PDZRN3: variants seen among roughly 807,000 people sequenced by gnomAD.
PDZRN3 encodes the protein PDZ domain containing ring finger 3.
In PDZRN3, 38 loss-of-function variants were observed where a neutral mutation model predicts 85.7. The ratio of observed to expected loss-of-function variants is 0.44; its 90% CI spans 0.34 to 0.58. The LOEUF (loss-of-function observed/expected upper bound fraction) is 0.58, where lower values mean the gene tolerates loss of function less well. Among genes scored for constraint, PDZRN3 ranks in the 20% least tolerant of loss-of-function variants. PDZRN3 has a pLI of 0.01. For synonymous variants in PDZRN3, 759 were observed against 638.0 expected (o/e 1.19, Z -2.86); for missense variants, 1,629 against 1,506.4 (o/e 1.08, Z -1.35).
At chr3:73,526,226 G>A (rs183922586) in intron 3 of PDZRN3, among the ~76,000 whole-genome samples, 1 of 152,296 alleles carries the variant, frequency 6.6e-6, no homozygotes, top group Non-Finnish European at 1.5e-5. Context: ...TTTGTAAAAT[G>A]AGCACTATTA....
chr3:73,533,912 C>A (rs1164035647), intron 3 of PDZRN3, among the ~76,000 whole-genome samples: 1 of 152,076 alleles, frequency 6.6e-6, no homozygotes, highest in Non-Finnish European at 1.5e-5. Flanking sequence ...ACTCTGTAGT[C>A]CCTACCCCCA....
At chr3:73,528,439 G>A (rs1704575268) in intron 3 of PDZRN3, among the ~76,000 whole-genome samples, 1 of 152,130 alleles carries the variant, frequency 6.6e-6, no homozygotes, top group Non-Finnish European at 1.5e-5. Flanking sequence ...TAAAGTTAGA[G>A]TAATGTTACC....
chr3:73,557,264 C>T (rs1411567128), intron 3 of PDZRN3, among the ~76,000 whole-genome samples: 1 of 152,160 alleles, frequency 6.6e-6, no homozygotes, highest in African/African-American at 2.4e-5. Flanking sequence ...GGGAAGCCAG[C>T]TGCTTTAAAA....
At chr3:73,532,465 C>T (rs1348708179) in intron 3 of PDZRN3, among the ~76,000 whole-genome samples, 1 of 152,216 alleles carries the variant, frequency 6.6e-6, no homozygotes, top group Non-Finnish European at 1.5e-5. Flanking sequence ...AAATAATGGG[C>T]ACCTATCGTG....
chr3:73,616,601 C>A (rs185658874), intron 1 of PDZRN3, among the ~76,000 whole-genome samples: 1 of 152,306 alleles, frequency 6.6e-6, no homozygotes, highest in African/African-American at 2.4e-5. Flanking sequence ...AGGAGGCTTA[C>A]AATGAAACCA....
chr3:73,521,872 A>C (rs1314246616), intron 3 of PDZRN3, among the ~76,000 whole-genome samples: 1 of 152,124 alleles, frequency 6.6e-6, no homozygotes, highest in Non-Finnish European at 1.5e-5. Context: ...TTGTAGAAGC[A>C]GTGGTTGCAT....
chr3:73,442,785 G>A (rs1230068491), intron 3 of PDZRN3, among the ~76,000 whole-genome samples: 1 of 151,888 alleles, frequency 6.6e-6, no homozygotes. Flanking sequence ...AGCAGAAGCA[G>A]GGTAAAGCTG....
intron 3 of PDZRN3, among the ~76,000 whole-genome samples, chr3:73,490,163 C>G (rs1249918953): frequency 2.6e-5 from 4 of 152,206 alleles, no homozygotes; most frequent in African/African-American, 9.6e-5. Context: ...ACCTGCACCC[C>G]TGGTGGGGCA....
intron 3 of PDZRN3, among the ~76,000 whole-genome samples, chr3:73,568,641 C>A (rs1262501291): frequency 1.3e-5 from 2 of 152,208 alleles, no homozygotes; most frequent in African/African-American, 4.8e-5. Context: ...CCGGGCAACT[C>A]GCTTGATATG....
At chr3:73,501,872 C>T (rs576105206) in intron 3 of PDZRN3, among the ~76,000 whole-genome samples, 53 of 152,170 alleles carry the variant, frequency 3.5e-4, no homozygotes, top group African/African-American at 1.3e-3. Flanking sequence ...AAAAATTAGC[C>T]GGGTATGTTG....
At chr3:73,593,871 G>A (rs964254716) in intron 3 of PDZRN3, 3 of 151,904 alleles carry the variant, frequency 2.0e-5, no homozygotes, top group Non-Finnish European at 4.4e-5. Flanking sequence ...TTTTTCCCCT[G>A]CAAAGACTAA....
At chr3:73,541,776 G>C (rs1458685375) in intron 3 of PDZRN3, among the ~76,000 whole-genome samples, 2 of 152,168 alleles carry the variant, frequency 1.3e-5, no homozygotes, top group Non-Finnish European at 2.9e-5. Context: ...CAAGCATCTA[G>C]TATTTTACAC....
At chr3:73,401,214 G>T in intron 4 of PDZRN3, 1 of 511,122 alleles carries the variant, frequency 2.0e-6, no homozygotes, top group Admixed American at 3.2e-5. Flanking sequence ...ATTTCCTCCT[G>T]AAGGACTTAA....
At position 73,390,366 on chromosome 3, in the gene PDZRN3, G is replaced by A. The variant is rs116761985; in HGVS notation, c.1354-488C>T. ...ATGCAGAAAGGATGGGTTAACTTAA[G>A]CTTGGTGAATGACATACAACCAAAG... On this transcript the variant is annotated intron_variant, in intron 6 of 9. Coordinates refer to ENST00000263666, the MANE Select transcript of PDZRN3 (RefSeq NM_015009.3). 7.9e-3 allele frequency among the ~76,000 whole-genome samples: 1,199 copies of A among 152,304 alleles called. 19 individuals are homozygous for A. The highest frequency in any genetic ancestry group is 0.028 in the African/African-American group (1,160 of 41,564).
At chr3:73,455,123 C>A (rs1702952868) in intron 3 of PDZRN3, among the ~76,000 whole-genome samples, 2 of 152,146 alleles carry the variant, frequency 1.3e-5, no homozygotes, top group African/African-American at 2.4e-5. Flanking sequence ...GGAAAAGAAG[C>A]TGCTTTCATG....
chr3:73,531,718 A>G (rs1211340386), intron 3 of PDZRN3, among the ~76,000 whole-genome samples: 1 of 152,142 alleles, frequency 6.6e-6, no homozygotes, highest in East Asian at 1.9e-4. Context: ...CAAATTCCCA[A>G]TGCTACACAC....
chr3:73,459,830 A>G (rs570840654), intron 3 of PDZRN3, among the ~76,000 whole-genome samples: 3 of 152,288 alleles, frequency 2.0e-5, no homozygotes, highest in Admixed American at 6.5e-5. Context: ...TGCCTAACAG[A>G]TGGGGAGCCT....
chr3:73,509,391 C>A (rs1314528540), intron 3 of PDZRN3, among the ~76,000 whole-genome samples: 2 of 152,162 alleles, frequency 1.3e-5, no homozygotes, highest in Non-Finnish European at 2.9e-5. Flanking sequence ...AATTGGACCT[C>A]TGTCTGTTTG....
intron 3 of PDZRN3, among the ~76,000 whole-genome samples, chr3:73,456,633 T>G (rs1381246100): frequency 1.3e-5 from 2 of 152,232 alleles, no homozygotes; most frequent in Non-Finnish European, 2.9e-5. Context: ...TACACAGATA[T>G]ATGCCTCCCA....
Sources: gnomAD v4.1 joint callset for allele counts (sites outside exome capture counted in the v4.1 genomes callset) on GRCh38, gnomAD v4.1.1 for gene constraint, MANE v1.5 for transcripts, NCBI Gene and HGNC (gene_info 2026-07-23, HGNC 2026-07-21) for gene names.